The following CADM2 variants were observed in gnomAD, a reference collection of about 807,000 sequenced individuals.
CADM2 encodes cell adhesion molecule 2, also known as immunoglobulin superfamily member 4D.
A neutral mutation model predicts 49.8 loss-of-function variants in CADM2; 12 were observed. The observed-to-expected ratio is 0.24, with a 90% CI of 0.15 to 0.39. The LOEUF (loss-of-function observed/expected upper bound fraction) is 0.39, where lower values mean the gene tolerates loss of function less well. Among genes scored for constraint, CADM2 ranks in the 10% least tolerant of loss-of-function variants. The pLI is 1.00. For synonymous variants in CADM2, 214 were observed against 175.4 expected, an observed-to-expected ratio of 1.22 and a Z score of -1.74; for missense variants, 378 against 492.3, an observed-to-expected ratio of 0.77 and a Z score of 2.20.
At chr3:85,632,208 GT>G (rs2064333404) in intron 1 of CADM2, among the ~76,000 whole-genome samples, 1 of 149,758 alleles carries the variant, frequency 6.7e-6, no homozygotes, top group African/African-American at 2.5e-5. Context: ...AAAAATGAGA[GT>G]TTCCCTACAC....
chr3:85,265,775 T>G (rs1363557920), intron 1 of CADM2, among the ~76,000 whole-genome samples: 1 of 152,020 alleles, frequency 6.6e-6, no homozygotes, highest in Non-Finnish European at 1.5e-5. Context: ...GATTCCAAAT[T>G]ATAGTGTAAT....
intron 1 of CADM2, among the ~76,000 whole-genome samples, chr3:85,193,845 G>A (rs2041273407): frequency 6.6e-6 from 1 of 152,066 alleles, no homozygotes; most frequent in African/African-American, 2.4e-5. Context: ...TGTATGAACT[G>A]AAAACCTAAA....
At chr3:85,607,795 T>G (rs529693196) in intron 1 of CADM2, among the ~76,000 whole-genome samples, 1 of 152,070 alleles carries the variant, frequency 6.6e-6, no homozygotes, top group Non-Finnish European at 1.5e-5. Context: ...TAGCTGAGAT[T>G]ACAGGCACAG....
At chr3:85,561,591 G>C (rs1000385477) in intron 1 of CADM2, among the ~76,000 whole-genome samples, 1 of 152,130 alleles carries the variant, frequency 6.6e-6, no homozygotes, top group Non-Finnish European at 1.5e-5. Flanking sequence ...CATGGTAATA[G>C]GACATTGACA....
chr3:85,019,721 A>G (rs992516354), intron 1 of CADM2, among the ~76,000 whole-genome samples: 5 of 152,238 alleles, frequency 3.3e-5, no homozygotes, highest in African/African-American at 1.2e-4. Flanking sequence ...AATAAGCAGT[A>G]TAGAAGCCAC....
chr3:86,000,641 G>A (rs1247883443), intron 8 of CADM2, among the ~76,000 whole-genome samples: 4 of 151,548 alleles, frequency 2.6e-5, no homozygotes, highest in Admixed American at 6.6e-5. Flanking sequence ...AGTCTTTCAC[G>A]GATAGGAAAT....
intron 1 of CADM2, among the ~76,000 whole-genome samples, chr3:85,088,735 C>T (rs1321774381): frequency 1.3e-5 from 2 of 152,066 alleles, no homozygotes; most frequent in East Asian, 1.9e-4. Context: ...AACTAAGATA[C>T]ACTGATTTGA....
At chr3:85,401,951 G>A (rs1012809869) in intron 1 of CADM2, among the ~76,000 whole-genome samples, 3 of 152,148 alleles carry the variant, frequency 2.0e-5, no homozygotes, top group South Asian at 2.1e-4. Flanking sequence ...TTTAACTGCC[G>A]TTATTTCACT....
chr3:85,581,435 G>GAA (rs11440569), intron 1 of CADM2, among the ~76,000 whole-genome samples: 21 of 121,478 alleles, frequency 1.7e-4, no homozygotes, highest in East Asian at 6.8e-4. Flanking sequence ...GTTGTTTCAA[G>GAA]AAAAAAAAAA....
At chr3:86,020,569 A>G (rs1733012223) in intron 8 of CADM2, among the ~76,000 whole-genome samples, 1 of 151,456 alleles carries the variant, frequency 6.6e-6, no homozygotes, top group East Asian at 1.9e-4. Context: ...CTTGATGAAC[A>G]TTGATGCAAA....
At chr3:84,988,027 A>G (rs990716201) in intron 1 of CADM2, among the ~76,000 whole-genome samples, 6 of 152,184 alleles carry the variant, frequency 3.9e-5, no homozygotes, top group African/African-American at 7.2e-5. Context: ...GGCCACAGAC[A>G]TGGAGAAAAC....
intron 1 of CADM2, among the ~76,000 whole-genome samples, chr3:85,431,134 T>C (rs2036643277): frequency 6.6e-6 from 1 of 152,158 alleles, no homozygotes; most frequent in Admixed American, 6.6e-5. Flanking sequence ...GCCTACAATG[T>C]TCAGTACAAT....
intron 6 of CADM2, among the ~76,000 whole-genome samples, chr3:85,932,355 G>A (rs1156742214): frequency 6.6e-6 from 1 of 152,164 alleles, no homozygotes; most frequent in Admixed American, 6.6e-5. Flanking sequence ...AGATATCCAA[G>A]TGAACATGCC....
At chr3:85,157,002 A>G (rs1327479871) in intron 1 of CADM2, among the ~76,000 whole-genome samples, 2 of 152,162 alleles carry the variant, frequency 1.3e-5, no homozygotes, top group East Asian at 3.8e-4. Context: ...CTCAGGATAC[A>G]AAATCAATGT....
At chr3:85,776,356 C>T (rs1022801954) in intron 2 of CADM2, among the ~76,000 whole-genome samples, 1 of 151,638 alleles carries the variant, frequency 6.6e-6, no homozygotes, top group Non-Finnish European at 1.5e-5. Flanking sequence ...CACACACACA[C>T]ACACACACAG....
chr3:85,977,409 T>C (rs1216691016), intron 8 of CADM2, among the ~76,000 whole-genome samples: 2 of 151,464 alleles, frequency 1.3e-5, no homozygotes, highest in Non-Finnish European at 3.0e-5. Context: ...TGTTCATAAA[T>C]TTGATATACT....
intron 1 of CADM2, among the ~76,000 whole-genome samples, chr3:84,970,377 A>C (rs2031339238): frequency 6.6e-6 from 1 of 151,860 alleles, no homozygotes; most frequent in South Asian, 2.1e-4. Flanking sequence ...CCAAGGGAGA[A>C]AAGACTCTAC....
intron 1 of CADM2, among the ~76,000 whole-genome samples, chr3:85,708,821 G>C (rs760226725): frequency 6.6e-6 from 1 of 151,984 alleles, no homozygotes; most frequent in Non-Finnish European, 1.5e-5. Flanking sequence ...AGAGTGACCT[G>C]CCTGAAATAT....
At chr3:85,290,220 G>A (rs574447302) in intron 1 of CADM2, among the ~76,000 whole-genome samples, 27 of 152,280 alleles carry the variant, frequency 1.8e-4, no homozygotes, top group African/African-American at 3.6e-4. Flanking sequence ...CGAATACTGC[G>A]CTTTTCCGAT....
Sources: gnomAD v4.1 joint callset for allele counts (sites outside exome capture counted in the v4.1 genomes callset) on GRCh38, gnomAD v4.1.1 for gene constraint, MANE v1.5 for transcripts, NCBI Gene and HGNC (gene_info 2026-07-23, HGNC 2026-07-21) for gene names.